The following RBM24 variants were observed in gnomAD, a reference collection of about 807,000 sequenced individuals.
RBM24 encodes RNA-binding protein 24.
Under a neutral mutation model 23.6 loss-of-function variants are expected in RBM24, and 5 were observed. The observed-to-expected ratio is 0.21, with a 90% CI of 0.11 to 0.45. The LOEUF (loss-of-function observed/expected upper bound fraction) is 0.45. RBM24 is among the 20% of genes least tolerant of loss of function. The pLI is 0.99. For missense variants in RBM24, 252 were observed against 314.6 expected (o/e 0.80, Z 1.51); for synonymous variants, 151 against 129.5 (o/e 1.17, Z -1.13).
At chr6:17,283,010 T>C in intron 2 of RBM24, 82 bp downstream of exon 2, 1 of 983,034 alleles carries the variant, frequency 1.0e-6, no homozygotes, top group Non-Finnish European at 1.6e-6. Context: ...TTAGAAGACA[T>C]TGTCTCTTTC....
intron 3 of RBM24, chr6:17,290,996 T>C (rs926650082): frequency 5.3e-5 from 36 of 685,676 alleles, no homozygotes; most frequent in Middle Eastern, 2.8e-4. Flanking sequence ...CTGCCATGAA[T>C]GTTAATAGCA....
chr6:17,289,339 C>T (rs918995506), intron 3 of RBM24: 63 of 985,314 alleles, frequency 6.4e-5, no homozygotes, highest in Non-Finnish European at 7.3e-5. Context: ...CTCCTTTTCC[C>T]TCTAAGCCTT....
chr6:17,282,785 T>C lies in RBM24; in HGVS notation c.169-20T>C, dbSNP rs779119050. On this transcript the variant is annotated intron_variant, in intron 1 of 3. Transcript: ENST00000379052. ...AATTTAGAGGTTATGTATGTATGTC[T>C]GTGTGTGTCTGTTGCTAAGGTCACC... is the stretch of plus-strand genomic sequence containing the variant. The C allele has an allele frequency of 7.0e-5, 113 of 1,613,800 alleles. No homozygotes were observed. The Admixed American group carries it at 8.2e-4, about 12-fold the overall frequency.
chr6:17,291,626 A>G, intron 3 of RBM24, 130 bp from the exon 4 acceptor site: 2 of 997,788 alleles, frequency 2.0e-6, no homozygotes, highest in Non-Finnish European at 3.0e-6. Context: ...TCAATGGACC[A>G]CTAGAAAGTA....
Position 17,281,733 on chromosome 6 carries a change from C to T in RBM24, c.152C>T (p.Ser51Phe). The change falls in exon 1 of 4, where the codon TCC becomes TTC. Residue 51 changes from serine (S) to phenylalanine (F), a missense_variant. Coordinates refer to ENST00000379052, the MANE Select transcript of RBM24 (RefSeq NM_001143942.2). The surrounding 1 kb of genome is among the most constrained non-coding windows in gnomAD (Gnocchi z 7.1). ...VVITDRQTGKSRGYGFVTMAD... is the reference protein window; with the variant it reads ...VVITDRQTGKFRGYGFVTMAD... ...ATCACCGACCGGCAGACGGGCAAGT[C>T]CCGGGGCTATGGATTTGTAAGTTGC... The T allele has an allele frequency of 6.4e-7, 1 of 1,550,628 alleles. No homozygotes were observed. Among genetic ancestry groups the T allele is most frequent in the Non-Finnish European group, 8.7e-7 (1 of 1,146,676 alleles).
intron 3 of RBM24, chr6:17,289,690 G>A (rs1760296649): frequency 1.0e-6 from 1 of 985,288 alleles, no homozygotes. Flanking sequence ...GATCCGCACT[G>A]GCTGGCCTTT....
intron 1 of RBM24, chr6:17,282,454 G>A (rs1263499540): frequency 6.2e-6 from 3 of 483,644 alleles, no homozygotes; most frequent in Admixed American, 5.0e-5. Context: ...GTAGGGACCT[G>A]GGGGGCGGGG....
intron 3 of RBM24, among the ~76,000 whole-genome samples, chr6:17,291,461 A>G (rs1235170107): frequency 6.6e-6 from 1 of 152,166 alleles, no homozygotes; most frequent in Non-Finnish European, 1.5e-5. Context: ...TGTAGCCCTC[A>G]TGAATCTTGA....
At chr6:17,284,739 G>A in intron 3 of RBM24, 28 bp downstream of exon 3, 2 of 1,562,914 alleles carry the variant, frequency 1.3e-6, no homozygotes, top group Non-Finnish European at 1.8e-6. Context: ...GCTTTCTTAA[G>A]TTTCAGTATG....
intron 2 of RBM24, among the ~76,000 whole-genome samples, chr6:17,283,790 G>T (rs2113396704): frequency 6.6e-6 from 1 of 152,292 alleles, no homozygotes; most frequent in Admixed American, 6.5e-5. Flanking sequence ...ACCTACTCAA[G>T]AACCCTATGC....
At chr6:17,285,447 T>C (rs1168781447) in intron 3 of RBM24, among the ~76,000 whole-genome samples, 2 of 152,124 alleles carry the variant, frequency 1.3e-5, no homozygotes, top group Non-Finnish European at 2.9e-5. Flanking sequence ...TTTTAAGCTG[T>C]AGCCTGTGAC....
At chr6:17,289,427 C>T in intron 3 of RBM24, 3 of 985,390 alleles carry the variant, frequency 3.0e-6, no homozygotes, top group South Asian at 4.7e-5. Context: ...TCTGATAATC[C>T]AGTGAACTTT....
Position 17,281,992 on chromosome 6 carries a change from TGAAAGG to T in RBM24, c.168+244_168+249del. 1 of 1,361,896 alleles carries T rather than the reference TGAAAGG, an allele frequency of 7.3e-7. No homozygotes were observed. The allele number at this position is 1,361,896 out of a possible 1,614,324, so 84.4% of individuals were successfully genotyped here. A position where few individuals can be genotyped will look rare whatever the true frequency, so the allele number is the denominator to read the frequency against. ...GGGGCCGGGCAGGGCAGAGCAGGGG[TGAAAGG>T]AGAGACCTGTAATGACGGCGGGATT... On this transcript the variant is annotated intron_variant, in intron 1 of 3. Coordinates refer to ENST00000379052, the MANE Select transcript of RBM24 (RefSeq NM_001143942.2). The surrounding 1 kb of genome is among the most constrained non-coding windows in gnomAD (Gnocchi z 7.1).
rs1760010357 is a variant in RBM24, at chr6:17,281,463, C to A, written c.-119C>A. On this transcript the variant is annotated 5_prime_UTR_variant, in exon 1 of 4. Transcript: ENST00000379052. This position sits in a 1 kb window ranked among gnomAD's most constrained non-coding sequence, Gnocchi z 7.1. ...GCGCCGCCGCCCTCGCCCCCGGGCT[C>A]GCCCTTGGCCCCCGGCGGCCGCGAA... 9 of 813,012 alleles carry A rather than the reference C, an allele frequency of 1.1e-5. No homozygotes were observed. The South Asian group carries it at 3.8e-4, about 34-fold the overall frequency. 50.4% of individuals were successfully genotyped at this position (813,012 alleles called of 1,614,324 possible). A position where few individuals can be genotyped will look rare whatever the true frequency, so the allele number is the denominator to read the frequency against.
intron 2 of RBM24, 88 bp downstream of exon 2, chr6:17,283,016 C>G (rs560925936): frequency 2.2e-6 from 2 of 919,948 alleles, no homozygotes; most frequent in Non-Finnish European, 3.4e-6. Context: ...GACATTGTCT[C>G]TTTCTGTAGA....
chr6:17,284,694 T>C lies in RBM24; in HGVS notation c.330T>C (p.Leu110=). 6.2e-7 allele frequency: 1 copy of C among 1,611,814 alleles called. No individual in the cohort carries two copies. Among genetic ancestry groups the C allele is most frequent in the Non-Finnish European group, 8.5e-7 (1 of 1,179,050 alleles). ...AFGVQQLHPA[L]IQRPFGIPAH... is the part of the protein sequence containing the mutation. ...GTGTTCAACAACTTCATCCAGCCCTTATACAAAGACCTTTCGGGTAAGTTG... is the reference window on the plus strand; with the variant it reads ...GTGTTCAACAACTTCATCCAGCCCTCATACAAAGACCTTTCGGGTAAGTTG... Residue 110 remains leucine, a synonymous_variant, in exon 3 of 4, where the codon CTT becomes CTC. Coordinates refer to ENST00000379052, the MANE Select transcript of RBM24 (RefSeq NM_001143942.2).
chr6:17,288,577 G>T (rs764456159), intron 3 of RBM24: 2 of 985,246 alleles, frequency 2.0e-6, no homozygotes, highest in Non-Finnish European at 2.4e-6. Flanking sequence ...GAGACTAAAC[G>T]ATAAAGCAAA....
At chr6:17,290,031 G>T (rs980358842) in intron 3 of RBM24, 2 of 1,289,366 alleles carry the variant, frequency 1.6e-6, no homozygotes, top group Admixed American at 4.6e-5. Flanking sequence ...ACTTGATGAC[G>T]TCGTTTCTCC....
Position 17,292,911 on chromosome 6 carries a change from A to G in RBM24, c.*792A>G, listed in dbSNP as rs1345497310. 6.6e-6 allele frequency: 1 copy of G among 152,406 alleles called. No homozygotes were observed. The highest frequency in any genetic ancestry group is 1.5e-5 in the Non-Finnish European group (1 of 68,048). The allele number at this position is 152,406 out of a possible 1,614,324, so 9.4% of individuals were successfully genotyped here. The stretch of plus-strand genomic sequence containing the variant: ...CCTGTTTCAATTTTGGGAAACTTGT[A>G]TCTGCTGGTGTCAGCAATTCTGATT... On this transcript the variant is annotated 3_prime_UTR_variant, in exon 4 of 4. Transcript: ENST00000379052.
Sources: allele counts gnomAD v4.1 joint callset (sites outside exome capture counted in the v4.1 genomes callset), GRCh38; gene constraint gnomAD v4.1.1; non-coding constraint Gnocchi (gnomAD v3.1); transcripts MANE v1.5; gene names NCBI Gene and HGNC (gene_info 2026-07-23, HGNC 2026-07-21).